RPS6KC1: variants seen among roughly 807,000 people sequenced by gnomAD.
RPS6KC1 encodes inactive ribosomal protein S6 kinase delta-1.
In RPS6KC1, 54 loss-of-function variants were observed where a neutral mutation model predicts 103.8. The observed-to-expected ratio is 0.52, with a 90% CI of 0.42 to 0.65. The LOEUF (loss-of-function observed/expected upper bound fraction) is 0.65. Ranked by LOEUF, RPS6KC1 falls within the 30% of genes least tolerant of loss-of-function variation. The pLI is 0.00. For missense variants in RPS6KC1, 1,151 were observed against 1,253.8 expected (o/e 0.92, Z 1.24); for synonymous variants, 439 against 438.7 (o/e 1.00, Z -0.01).
chr1:213,125,626 TTGTGTGTGTGTGTGTG>T lies in RPS6KC1; in HGVS notation c.473-3881_473-3866del, dbSNP rs5780709. On this transcript the variant is annotated intron_variant, in intron 5 of 14. Coordinates refer to ENST00000366960, the MANE Select transcript of RPS6KC1 (RefSeq NM_012424.6). ...ATATAAATTTCTCTTTTTTATCTGC[TTGTGTGTGTGTGTGTG>T]TGTGTGTGTGTGTGTGTGTTTGCTT... is the stretch of plus-strand genomic sequence containing the variant. 4.8e-5 allele frequency: 7 copies of T among 145,916 alleles called. No individual in the cohort carries two copies. The East Asian group carries it at 1.4e-3, about 29-fold the overall frequency. The allele number at this position is 145,916 out of a possible 1,614,324, so 9.0% of individuals were successfully genotyped here.
At chr1:213,286,740 G>A in the RPS6KC1 span, among the ~76,000 whole-genome samples, 1 of 152,184 alleles carries the variant, frequency 6.6e-6, no homozygotes, top group Non-Finnish European at 1.5e-5. Context: ...ATGGATACAG[G>A]CATTAAGCAT....
At chr1:213,197,913 A>G (rs866683736) in intron 8 of RPS6KC1, among the ~76,000 whole-genome samples, 2 of 152,256 alleles carry the variant, frequency 1.3e-5, no homozygotes, top group South Asian at 2.1e-4. Context: ...GCCATTCTGT[A>G]TCTTTCACAT....
chr1:213,151,950 G>A (rs1488118275), intron 6 of RPS6KC1, among the ~76,000 whole-genome samples: 33 of 119,746 alleles, frequency 2.8e-4, no homozygotes, highest in African/African-American at 9.7e-4. Context: ...CCTCCCTCCC[G>A]GATGGGGCGG....
the RPS6KC1 span, among the ~76,000 whole-genome samples, chr1:213,686,692 G>A: frequency 6.6e-6 from 1 of 152,180 alleles, no homozygotes; most frequent in African/African-American, 2.4e-5. Context: ...TCCAGACCCT[G>A]AGAGAGGGTT....
Position 213,051,323 on chromosome 1 carries a change from G to GT in RPS6KC1, c.-80dup. 1 of 1,085,304 alleles carries GT rather than the reference G, an allele frequency of 9.2e-7. No individual in the cohort carries two copies. The highest frequency in any genetic ancestry group is 1.9e-5 in the Admixed American group (1 of 53,408). 67.2% of individuals were successfully genotyped at this position (1,085,304 alleles called of 1,614,324 possible). ...CGCCCCCTCGCCGCTTCGCCGCTGC[G>GT]TTGGGGAACCTGGACCGCGGCGGCG... On this transcript the variant is annotated 5_prime_UTR_variant, in exon 1 of 15. Coordinates refer to ENST00000366960, the MANE Select transcript of RPS6KC1 (RefSeq NM_012424.6).
chr1:213,484,588 C>T, the RPS6KC1 span, among the ~76,000 whole-genome samples: 17,894 of 152,208 alleles, frequency 0.12, 1,178 homozygotes, highest in Non-Finnish European at 0.14. Context: ...CCACCAGATA[C>T]GTTATACTCT....
chr1:213,428,496 T>TCCTC, the RPS6KC1 span, among the ~76,000 whole-genome samples: 1 of 66,608 alleles, frequency 1.5e-5, no homozygotes, highest in African/African-American at 5.3e-5. Context: ...CTTCCTTCCT[T>TCCTC]CCTTCCTTCC....
the RPS6KC1 span, among the ~76,000 whole-genome samples, chr1:213,570,180 G>C: frequency 6.8e-3 from 1,040 of 152,300 alleles, 5 homozygotes; most frequent in Non-Finnish European, 9.7e-3. Flanking sequence ...CTTATTATTT[G>C]AATGATTTGG....
the RPS6KC1 span, among the ~76,000 whole-genome samples, chr1:213,571,559 C>T: frequency 2.0e-5 from 3 of 152,204 alleles, no homozygotes; most frequent in East Asian, 5.8e-4. Flanking sequence ...TATGAGGGAC[C>T]TCAGTGCATA....
intron 9 of RPS6KC1, among the ~76,000 whole-genome samples, chr1:213,231,542 C>G (rs932885758): frequency 2.0e-5 from 3 of 152,088 alleles, no homozygotes; most frequent in African/African-American, 7.2e-5. Flanking sequence ...TAAGGCATGG[C>G]AGTAGGTCAC....
the RPS6KC1 span, among the ~76,000 whole-genome samples, chr1:213,475,717 C>G: frequency 6.6e-6 from 1 of 152,168 alleles, no homozygotes; most frequent in Admixed American, 6.5e-5. Context: ...AGATGACTGC[C>G]AAGTCTTTCA....
At chr1:213,350,047 C>A in the RPS6KC1 span, among the ~76,000 whole-genome samples, 1 of 152,088 alleles carries the variant, frequency 6.6e-6, no homozygotes, top group Non-Finnish European at 1.5e-5. Context: ...AACTAAGCAA[C>A]TTGGGAGGCA....
chr1:213,236,693 T>G (rs2094228227), intron 10 of RPS6KC1, among the ~76,000 whole-genome samples: 1 of 152,068 alleles, frequency 6.6e-6, no homozygotes, highest in East Asian at 1.9e-4. Flanking sequence ...TACTTGGTAT[T>G]TAGAAGGTGC....
At chr1:213,373,817 C>T in the RPS6KC1 span, among the ~76,000 whole-genome samples, 3 of 152,060 alleles carry the variant, frequency 2.0e-5, no homozygotes, top group Non-Finnish European at 2.9e-5. Flanking sequence ...AACACGATGC[C>T]CTATCACATC....
chr1:213,685,414 T>A, the RPS6KC1 span, among the ~76,000 whole-genome samples: 5 of 152,286 alleles, frequency 3.3e-5, no homozygotes, highest in South Asian at 8.3e-4. Flanking sequence ...GAGGATCACT[T>A]GAGGTCAGGA....
At chr1:213,460,725 C>G in the RPS6KC1 span, among the ~76,000 whole-genome samples, 6 of 152,160 alleles carry the variant, frequency 3.9e-5, no homozygotes, top group Admixed American at 1.3e-4. Context: ...GTGGCTGGTA[C>G]CGGTTTTTCC....
At chr1:213,803,551 A>G in the RPS6KC1 span, among the ~76,000 whole-genome samples, 2 of 152,076 alleles carry the variant, frequency 1.3e-5, no homozygotes, top group Admixed American at 6.5e-5. Flanking sequence ...CCAGCCAACA[A>G]TGTAGTGGCT....
the RPS6KC1 span, among the ~76,000 whole-genome samples, chr1:213,488,581 T>C: frequency 1.3e-5 from 2 of 152,176 alleles, no homozygotes; most frequent in African/African-American, 4.8e-5. Context: ...AAGACCCAAA[T>C]GTCCTCTAGA....
the RPS6KC1 span, among the ~76,000 whole-genome samples, chr1:213,814,837 G>A: frequency 1.3e-5 from 2 of 152,132 alleles, no homozygotes; most frequent in Non-Finnish European, 2.9e-5. Flanking sequence ...TTGGATCCAG[G>A]GGGTCCAGCT....
Sources: gnomAD v4.1 joint callset for allele counts (sites outside exome capture counted in the v4.1 genomes callset) on GRCh38, gnomAD v4.1.1 for gene constraint, MANE v1.5 for transcripts, NCBI Gene and HGNC (gene_info 2026-07-23, HGNC 2026-07-21) for gene names.